SVIL: variants seen among roughly 807,000 people sequenced by gnomAD.
SVIL encodes the protein archvillin.
Under a neutral mutation model 240.4 loss-of-function variants are expected in SVIL, and 101 were observed. The ratio of observed to expected loss-of-function variants is 0.42; its 90% CI spans 0.36 to 0.50. The LOEUF (loss-of-function observed/expected upper bound fraction) is 0.50. Ranked by LOEUF, SVIL falls within the 20% of genes least tolerant of loss-of-function variation. The pLI, the probability that SVIL is intolerant of heterozygous loss-of-function variation, is 0.01. For missense variants in SVIL, 2,512 were observed against 2,818.7 expected (o/e 0.89, Z 2.46); for synonymous variants, 999 against 1,100.0 (o/e 0.91, Z 1.82).
chr10:29,474,517 C>T (rs983526751), intron 29 of SVIL, among the ~76,000 whole-genome samples: 1 of 151,914 alleles, frequency 6.6e-6, no homozygotes, highest in African/African-American at 2.4e-5. Context: ...ATCACTTGAG[C>T]CCAGGAGTTT....
At chr10:29,498,999 G>C (rs1181845241) in intron 18 of SVIL, 117 bp downstream of exon 18, 5 of 1,416,958 alleles carry the variant, frequency 3.5e-6, no homozygotes, top group Non-Finnish European at 4.7e-6. Flanking sequence ...AACTTAAAAA[G>C]ACCATGGTTT....
At chr10:29,483,146 T>C (rs1427140464) in intron 27 of SVIL, 1 of 152,162 alleles carries the variant, frequency 6.6e-6, no homozygotes, top group Non-Finnish European at 1.5e-5. Context: ...AATGACTGTT[T>C]GTTATGTCAG....
At chr10:29,634,079 T>C (rs1404479442) in intron 1 of SVIL, among the ~76,000 whole-genome samples, 1 of 152,172 alleles carries the variant, frequency 6.6e-6, no homozygotes, top group East Asian at 1.9e-4. Flanking sequence ...TACGTTGCAT[T>C]GTGAATATAC....
At chr10:29,479,778 G>A (rs1946623367) in intron 29 of SVIL, among the ~76,000 whole-genome samples, 1 of 152,234 alleles carries the variant, frequency 6.6e-6, no homozygotes, top group South Asian at 2.1e-4. Context: ...CAGCAAGGGG[G>A]CTGTAAAGAG....
intron 2 of SVIL, among the ~76,000 whole-genome samples, chr10:29,683,817 A>C (rs760048907): frequency 2.6e-5 from 4 of 152,122 alleles, no homozygotes; most frequent in Non-Finnish European, 5.9e-5. Context: ...GGCTCCCCCA[A>C]CTTGCCCCAG....
rs765725160 is a variant in SVIL at position 29,480,493 on chromosome 10, G to C, written c.5377+44C>G. The C allele has an allele frequency of 3.7e-6, 6 of 1,601,010 alleles. No individual in the cohort carries two copies. In the African/African-American group the frequency reaches 5.4e-5, roughly 14 times the overall value. On this transcript the variant is annotated intron_variant, in intron 29 of 37. Coordinates refer to ENST00000355867, the MANE Select transcript of SVIL (RefSeq NM_021738.3). ...GAAGCTGGCTCCCGCAGGGCTGCCG[G>C]GCCAGCCTCTTTCAGCTGGAAAAAA...
rs56248456 is a variant in SVIL at position 29,465,746 on chromosome 10, A to G, written c.5982T>C (p.Pro1994=). ...RKAYDCMLQD[P]GSFNFAPRLF... ...GGCGGGGCGCGAAGTTAAAACTTCC[A>G]GGATCTTTGAAAGAAAAGAGAACAA... The change falls in exon 34 of 38, where the codon CCT becomes CCC. Residue 1994 remains proline (P), a synonymous_variant. Transcript: ENST00000355867. The G allele has an allele frequency of 0.073, 117,685 of 1,611,172 alleles. 4,789 individuals are homozygous for G. Among genetic ancestry groups the G allele is most frequent in the Middle Eastern group, 0.11 (501 of 4,618 alleles).
chr10:29,562,467 T>C (rs1227112589), intron 3 of SVIL, among the ~76,000 whole-genome samples: 1 of 152,188 alleles, frequency 6.6e-6, no homozygotes, highest in East Asian at 1.9e-4. Context: ...AGATGTTAAA[T>C]GTAAAAGCCC....
intron 1 of SVIL, among the ~76,000 whole-genome samples, chr10:29,703,945 C>A (rs1269816143): frequency 1.3e-5 from 2 of 152,080 alleles, no homozygotes; most frequent in Non-Finnish European, 2.9e-5. Context: ...AGGACCACAG[C>A]CACATGACAC....
At chr10:29,690,590 T>C (rs1286843970) in intron 1 of SVIL, among the ~76,000 whole-genome samples, 1 of 151,994 alleles carries the variant, frequency 6.6e-6, no homozygotes, top group Non-Finnish European at 1.5e-5. Flanking sequence ...CTGTCTGTCA[T>C]AAAAAATAAT....
intron 1 of SVIL, among the ~76,000 whole-genome samples, chr10:29,619,430 G>C (rs1564707445): frequency 6.6e-6 from 1 of 152,176 alleles, no homozygotes; most frequent in Admixed American, 6.5e-5. Flanking sequence ...TCAGGGTCAA[G>C]AGTGTTTACT....
At chr10:29,493,119 G>A in intron 21 of SVIL, 95 bp downstream of exon 21, 1 of 1,377,126 alleles carries the variant, frequency 7.3e-7, no homozygotes, top group Non-Finnish European at 9.8e-7. Flanking sequence ...GAAGGAGAAG[G>A]AGGCCACACT....
intron 29 of SVIL, among the ~76,000 whole-genome samples, chr10:29,479,754 C>T (rs1174576762): frequency 6.6e-6 from 1 of 152,210 alleles, no homozygotes; most frequent in African/African-American, 2.4e-5. Context: ...GCCCCGGGGG[C>T]AGGTGCACCT....
At chr10:29,509,324 G>GAGA (rs1564540768) in intron 17 of SVIL, among the ~76,000 whole-genome samples, 65 of 79,810 alleles carry the variant, frequency 8.1e-4, no homozygotes, top group Non-Finnish European at 1.4e-3. Flanking sequence ...GGAGAAGGAG[G>GAGA]GGGAGGGAGA....
chr10:29,576,407 T>C (rs1654101299), intron 1 of SVIL, among the ~76,000 whole-genome samples: 1 of 152,200 alleles, frequency 6.6e-6, no homozygotes, highest in African/African-American at 2.4e-5. Flanking sequence ...GAAGTTAACC[T>C]ATTAACTTCT....
rs1051989215 is a variant in SVIL at position 29,601,638 on chromosome 10, T to A, written c.-200-32326A>T. The stretch of plus-strand genomic sequence containing the variant: ...CCTACCATAAATGCAAAGAACAGCC[T>A]GGAGAGTAAGAGCCTGGGCTCATCA... On this transcript the variant is annotated intron_variant, in intron 1 of 37. Coordinates refer to ENST00000355867, the MANE Select transcript of SVIL (RefSeq NM_021738.3). Among the ~76,000 whole-genome samples the A allele has an allele frequency of 4.6e-5, 7 of 152,348 alleles. No individual in the cohort carries two copies. In the East Asian group the frequency reaches 1.3e-3, roughly 29 times the overall value.
chr10:29,491,770 C>G (rs906032979), intron 21 of SVIL, among the ~76,000 whole-genome samples: 10 of 152,186 alleles, frequency 6.6e-5, no homozygotes, highest in African/African-American at 2.4e-4. Context: ...ACCATGGTGT[C>G]ATATGTGTCT....
rs371123975 is a variant in SVIL at position 29,704,158 on chromosome 10, C to T, written c.-399-17507G>A. On this transcript the variant is annotated intron_variant, in intron 1 of 35. Coordinates refer to the SVIL transcript ENST00000375400. ...TCCTAGTTCACTGGTACTTCCTGCT[C>T]CAGTGGGCTGGGCGCCTCAGCCTAC... Among the ~76,000 whole-genome samples the T allele has an allele frequency of 8.5e-5, 13 of 152,222 alleles. No homozygotes were observed. In the South Asian group the frequency reaches 2.5e-3, roughly 29 times the overall value.
At chr10:29,542,572 T>TG (rs1952259142) in intron 6 of SVIL, among the ~76,000 whole-genome samples, 1 of 152,182 alleles carries the variant, frequency 6.6e-6, no homozygotes, top group Non-Finnish European at 1.5e-5. Context: ...TACGTATTTA[T>TG]GGGGTATCTG....
Sources: allele counts gnomAD v4.1 joint callset (sites outside exome capture counted in the v4.1 genomes callset), GRCh38; gene constraint gnomAD v4.1.1; transcripts MANE v1.5; gene names NCBI Gene and HGNC (gene_info 2026-07-23, HGNC 2026-07-21).